Variants in RASGEF1B observed in about 807,000 individuals in gnomAD.
The protein encoded by RASGEF1B is ras-GEF domain-containing family member 1B.
In RASGEF1B, 30 loss-of-function variants were observed where a neutral mutation model predicts 65.7. The observed-to-expected ratio is 0.46, with a 90% CI of 0.34 to 0.62. The LOEUF is 0.62. Ranked by LOEUF, RASGEF1B falls within the 20% of genes least tolerant of loss-of-function variation. RASGEF1B has a pLI of 0.01. For synonymous variants in RASGEF1B, 175 were observed against 194.8 expected (o/e 0.90, Z 0.85); for missense variants, 495 against 580.1 (o/e 0.85, Z 1.51).
In RASGEF1B at chr4:81,448,134, T is replaced by G. The variant is rs768221754; in HGVS notation, c.589A>C (p.Arg197=). Residue 197 remains arginine, a synonymous_variant, in exon 5 of 14, where the codon AGG becomes CGG. Coordinates refer to ENST00000264400, the MANE Select transcript of RASGEF1B (RefSeq NM_152545.3). Reference sequence around the variant, plus strand: ...TCGTTGCAGACAGTAATGATATCCCTTTGTATAGACTGTGGCTTGGTCTTG... The same window carrying G: ...TCGTTGCAGACAGTAATGATATCCCGTTGTATAGACTGTGGCTTGGTCTTG... ...VLKTKPQSIQ[R]DIITVCNDPY... 6.2e-7 allele frequency: 1 copy of G among 1,614,168 alleles called. No homozygotes were observed. Among genetic ancestry groups the G allele is most frequent in the East Asian group, 2.2e-5 (1 of 44,880 alleles).
intron 10 of RASGEF1B, among the ~76,000 whole-genome samples, chr4:81,438,804 C>T (rs1286525666): frequency 8.1e-5 from 12 of 148,888 alleles, no homozygotes; most frequent in African/African-American, 7.4e-5. Context: ...CTCCCACTTA[C>T]GAGTGAGAAC....
At chr4:81,443,589 A>T (rs1721922281) in intron 8 of RASGEF1B, among the ~76,000 whole-genome samples, 1 of 152,242 alleles carries the variant, frequency 6.6e-6, no homozygotes, top group South Asian at 2.1e-4. Context: ...AAATTAATCC[A>T]TGTTACTTAT....
intron 1 of RASGEF1B, among the ~76,000 whole-genome samples, chr4:81,466,563 T>C (rs1414943697): frequency 6.6e-6 from 1 of 151,726 alleles, no homozygotes; most frequent in African/African-American, 2.4e-5. Flanking sequence ...ATCGAGACCA[T>C]CCTGGCTAAC....
Position 81,456,133 on chromosome 4 carries a change from C to T in RASGEF1B, c.438+518G>A, listed in dbSNP as rs572692098. The T allele has an allele frequency of 1.9e-4, 38 of 204,934 alleles. No individual in the cohort carries two copies. The South Asian group carries it at 5.6e-3, about 30-fold the overall frequency. The allele number at this position is 204,934 out of a possible 1,614,324, so 12.7% of individuals were successfully genotyped here. A position where few individuals can be genotyped will look rare whatever the true frequency, so the allele number is the denominator to read the frequency against. Reference sequence around the variant, plus strand: ...TTCCCTTTTACCTGGAACTTAAACTCATACCACAGCAGTCCTGTCCTCCTC... The same window carrying T: ...TTCCCTTTTACCTGGAACTTAAACTTATACCACAGCAGTCCTGTCCTCCTC... On this transcript the variant is annotated intron_variant, in intron 4 of 13. Transcript: ENST00000264400.
chr4:81,466,798 G>GAAAGA (rs1722844137), intron 1 of RASGEF1B, among the ~76,000 whole-genome samples: 3 of 145,116 alleles, frequency 2.1e-5, no homozygotes, highest in Admixed American at 1.4e-4. Context: ...AAGAAAGAAA[G>GAAAGA]AAAGAAAGAA....
intron 1 of RASGEF1B, among the ~76,000 whole-genome samples, chr4:81,465,510 T>C (rs1722776167): frequency 6.6e-6 from 1 of 152,202 alleles, no homozygotes; most frequent in Admixed American, 6.5e-5. Context: ...GTCACAAAGA[T>C]AGATCACGTT....
In RASGEF1B at chr4:81,433,982, AAG is replaced by A. The variant is rs775010550; in HGVS notation, c.1201-21_1201-20del. On this transcript the variant is annotated intron_variant, in intron 11 of 13. Transcript: ENST00000264400. ...AAAATTTCTGGAAGATAAGTAAAAA[AAG>A]AATATAAAGGTGATCATAAAAAAAT... 10 of 1,601,922 alleles carry A rather than the reference AAG, an allele frequency of 6.2e-6. No homozygotes were observed.
chr4:81,455,132 C>T (rs571175534), intron 4 of RASGEF1B: 2 of 152,292 alleles, frequency 1.3e-5, no homozygotes, highest in African/African-American at 4.8e-5. Context: ...TAATATACTT[C>T]CCCTTTTCTC....
chr4:81,434,503 A>G, intron 11 of RASGEF1B, 136 bp downstream of exon 11: 1 of 681,788 alleles, frequency 1.5e-6, no homozygotes, highest in Non-Finnish European at 2.6e-6. Flanking sequence ...TTAATTTCTA[A>G]CAAAATAATA....
intron 3 of RASGEF1B, 58 bp downstream of exon 3, chr4:81,457,441 C>A (rs1445580256): frequency 1.3e-6 from 2 of 1,590,992 alleles, no homozygotes; most frequent in Non-Finnish European, 1.7e-6. Context: ...ACCAACTTCA[C>A]AAAATCTAAG....
chr4:81,466,776 AAGAAAG>A (rs1382522636), intron 1 of RASGEF1B, among the ~76,000 whole-genome samples: 3 of 136,218 alleles, frequency 2.2e-5, no homozygotes, highest in Admixed American at 7.3e-5. Context: ...AAAAAAAAGA[AAGAAAG>A]AAAGAAAGAA....
chr4:81,469,019 T>C (rs1360700374), intron 1 of RASGEF1B, among the ~76,000 whole-genome samples: 1 of 152,188 alleles, frequency 6.6e-6, no homozygotes, highest in East Asian at 1.9e-4. Context: ...CACTTTAGGA[T>C]AAGCAAAGGT....
intron 5 of RASGEF1B, 91 bp from the exon 6 acceptor site, chr4:81,447,669 C>G: frequency 1.1e-6 from 1 of 913,494 alleles, no homozygotes; most frequent in Non-Finnish European, 1.8e-6. Flanking sequence ...CACCACCCCC[C>G]ATTTTTTAAT....
intron 13 of RASGEF1B, among the ~76,000 whole-genome samples, chr4:81,428,888 T>C (rs924908093): frequency 1.3e-5 from 2 of 152,264 alleles, no homozygotes; most frequent in African/African-American, 4.8e-5. Context: ...AATCTTAGTA[T>C]CCACTTAACG....
At chr4:81,446,378 A>C (rs1722023963) in intron 6 of RASGEF1B, among the ~76,000 whole-genome samples, 1 of 152,196 alleles carries the variant, frequency 6.6e-6, no homozygotes, top group African/African-American at 2.4e-5. Flanking sequence ...GCCTCCAAAG[A>C]AAAAGTGTCC....
At chr4:81,463,920 G>T (rs1722726407) in intron 1 of RASGEF1B, among the ~76,000 whole-genome samples, 1 of 152,142 alleles carries the variant, frequency 6.6e-6, no homozygotes, top group South Asian at 2.1e-4. Flanking sequence ...AAAGTGCTGG[G>T]CATGAGAATC....
intron 1 of RASGEF1B, among the ~76,000 whole-genome samples, chr4:81,463,773 G>A (rs1416407021): frequency 6.6e-6 from 1 of 152,136 alleles, no homozygotes; most frequent in East Asian, 1.9e-4. Flanking sequence ...CACACCAAGA[G>A]CTACTGTTTG....
At chr4:81,465,314 G>A (rs1210793923) in intron 1 of RASGEF1B, among the ~76,000 whole-genome samples, 2 of 152,140 alleles carry the variant, frequency 1.3e-5, no homozygotes, top group Admixed American at 1.3e-4. Context: ...AATGAAACAG[G>A]CGAAAAGAAA....
At chr4:81,449,017 T>C (rs144715807) in intron 4 of RASGEF1B, among the ~76,000 whole-genome samples, 4 of 152,302 alleles carry the variant, frequency 2.6e-5, no homozygotes, top group African/African-American at 9.6e-5. Context: ...TTTCACTATG[T>C]TGGCCAGGCT....
Sources: gnomAD v4.1 joint callset for allele counts (sites outside exome capture counted in the v4.1 genomes callset) on GRCh38, gnomAD v4.1.1 for gene constraint, MANE v1.5 for transcripts, NCBI Gene and HGNC (gene_info 2026-07-23, HGNC 2026-07-21) for gene names.